Variants in TENM2 observed in about 807,000 individuals in gnomAD.
TENM2 encodes teneurin-2.
TENM2 carries 52 observed loss-of-function variants against 245.2 expected under a neutral mutation model. The ratio of observed to expected loss-of-function variants is 0.21; its 90% CI spans 0.17 to 0.27. TENM2 has a LOEUF of 0.27. Among genes scored for constraint, TENM2 ranks in the 10% least tolerant of loss-of-function variants. The pLI is 1.00. For missense variants in TENM2, 3,046 were observed against 3,666.8 expected (o/e 0.83, Z 4.37); for synonymous variants, 1,363 against 1,438.9 (o/e 0.95, Z 1.19).
chr5:167,689,589 T>A (rs1414757221), intron 2 of TENM2, among the ~76,000 whole-genome samples: 1 of 152,110 alleles, frequency 6.6e-6, no homozygotes, highest in Non-Finnish European at 1.5e-5. Flanking sequence ...GAAAATACAA[T>A]ATTTAAAATG....
At chr5:167,093,731 C>T in the TENM2 span, among the ~76,000 whole-genome samples, 1 of 152,140 alleles carries the variant, frequency 6.6e-6, no homozygotes. Flanking sequence ...GCTGTGTGGA[C>T]TCCTTAGGCT....
At chr5:167,891,627 A>G (rs1204045768) in intron 3 of TENM2, among the ~76,000 whole-genome samples, 1 of 152,104 alleles carries the variant, frequency 6.6e-6, no homozygotes, top group Admixed American at 6.6e-5. Flanking sequence ...TACTGTTTTT[A>G]TGTTTGACAC....
chr5:167,824,700 A>G (rs1289680193), intron 2 of TENM2, among the ~76,000 whole-genome samples: 2 of 152,230 alleles, frequency 1.3e-5, no homozygotes, highest in Admixed American at 6.5e-5. Flanking sequence ...CTAATCTGCC[A>G]CATCCTCATA....
chr5:167,300,230 T>G (rs1755227828), intron 1 of TENM2, among the ~76,000 whole-genome samples: 1 of 152,102 alleles, frequency 6.6e-6, no homozygotes, highest in East Asian at 1.9e-4. Flanking sequence ...TATGCCGAGA[T>G]GGGTAACAGA....
chr5:167,004,590 G>T, the TENM2 span, among the ~76,000 whole-genome samples: 1 of 152,140 alleles, frequency 6.6e-6, no homozygotes, highest in South Asian at 2.1e-4. Flanking sequence ...TTGCTTTTTA[G>T]AATTCTTTGT....
chr5:167,330,851 T>C (rs888718957), intron 1 of TENM2, among the ~76,000 whole-genome samples: 1 of 152,074 alleles, frequency 6.6e-6, no homozygotes, highest in Admixed American at 6.6e-5. Context: ...GGACAGGGAG[T>C]ACGTTTCATT....
chr5:167,810,679 T>C (rs1766571420), intron 2 of TENM2, among the ~76,000 whole-genome samples: 1 of 150,476 alleles, frequency 6.6e-6, no homozygotes, highest in African/African-American at 2.4e-5. Flanking sequence ...CCCTAAGAAA[T>C]GTGTGCAACT....
At chr5:167,397,314 T>A (rs973852314) in intron 2 of TENM2, among the ~76,000 whole-genome samples, 1 of 152,068 alleles carries the variant, frequency 6.6e-6, no homozygotes, top group Non-Finnish European at 1.5e-5. Context: ...GAAAATATTA[T>A]CTTGTTAAAA....
chr5:167,879,332 G>A (rs566496465), intron 3 of TENM2, among the ~76,000 whole-genome samples: 7 of 152,232 alleles, frequency 4.6e-5, no homozygotes, highest in Admixed American at 6.5e-5. Flanking sequence ...AGATGTTTAC[G>A]GGAGTGGTGT....
chr5:167,446,675 A>G (rs1432127973), intron 2 of TENM2, among the ~76,000 whole-genome samples: 2 of 128,430 alleles, frequency 1.6e-5, no homozygotes, highest in East Asian at 2.4e-4. Context: ...TGTAAAAGTT[A>G]TGGAGTAAAC....
intron 1 of TENM2, among the ~76,000 whole-genome samples, chr5:167,332,861 A>G (rs540498855): frequency 6.4e-4 from 98 of 152,324 alleles, no homozygotes; most frequent in African/African-American, 2.3e-3. Context: ...ATAGAGACAC[A>G]CTTATCAAGG....
the TENM2 span, among the ~76,000 whole-genome samples, chr5:167,216,248 G>A: frequency 1.3e-5 from 2 of 152,130 alleles, no homozygotes; most frequent in African/African-American, 4.8e-5. Context: ...TCTATGGGAG[G>A]GAATTCAGTT....
chr5:167,907,512 T>C (rs1776183036), intron 3 of TENM2, among the ~76,000 whole-genome samples: 1 of 136,150 alleles, frequency 7.3e-6, no homozygotes, highest in Admixed American at 7.7e-5. Flanking sequence ...TAATTTTGTT[T>C]AGATCACCCT....
chr5:167,148,293 C>T, the TENM2 span, among the ~76,000 whole-genome samples: 1 of 152,080 alleles, frequency 6.6e-6, no homozygotes, highest in Non-Finnish European at 1.5e-5. Flanking sequence ...ATACTTTTTC[C>T]CCTATGAAAA....
the TENM2 span, among the ~76,000 whole-genome samples, chr5:167,072,625 C>T: frequency 6.6e-6 from 1 of 152,170 alleles, no homozygotes; most frequent in Admixed American, 6.5e-5. Context: ...GCAACAATTT[C>T]TATGAAATAG....
intron 9 of TENM2, among the ~76,000 whole-genome samples, chr5:168,103,416 C>T (rs1793979460): frequency 1.3e-5 from 2 of 152,118 alleles, no homozygotes; most frequent in South Asian, 4.2e-4. Context: ...CTTTCTCATC[C>T]AGGATCCCAC....
chr5:168,250,645 C>T (rs1466395489), intron 27 of TENM2, among the ~76,000 whole-genome samples: 1 of 152,136 alleles, frequency 6.6e-6, no homozygotes, highest in Non-Finnish European at 1.5e-5. Flanking sequence ...CTTTGGAAGT[C>T]GAACCCAGAA....
intron 25 of TENM2, among the ~76,000 whole-genome samples, chr5:168,230,375 T>TTTATTTTA (rs1764745916): frequency 6.6e-6 from 1 of 152,254 alleles, no homozygotes; most frequent in Non-Finnish European, 1.5e-5. Context: ...TTGCATCTCA[T>TTTATTTTA]TTATTTTAAT....
intron 2 of TENM2, among the ~76,000 whole-genome samples, chr5:167,599,552 G>A (rs765437762): frequency 2.0e-5 from 3 of 152,084 alleles, no homozygotes; most frequent in South Asian, 2.1e-4. Context: ...GGCGGTCCCC[G>A]TGGCAAAACT....
Sources: gnomAD v4.1 joint callset for allele counts (sites outside exome capture counted in the v4.1 genomes callset) on GRCh38, gnomAD v4.1.1 for gene constraint, MANE v1.5 for transcripts, NCBI Gene and HGNC (gene_info 2026-07-23, HGNC 2026-07-21) for gene names.